RCAN2: variants seen among roughly 807,000 people sequenced by gnomAD.
RCAN2 encodes the protein calcipressin-2.
In RCAN2, 9 loss-of-function variants were observed where a neutral mutation model predicts 23.6. That is an observed-to-expected ratio of 0.38 (90% CI 0.23 to 0.67). The LOEUF (loss-of-function observed/expected upper bound fraction) is 0.67. RCAN2 is among the 30% of genes least tolerant of loss of function. The pLI, the probability that RCAN2 is intolerant of heterozygous loss-of-function variation, is 0.51. For synonymous variants in RCAN2, 109 were observed against 115.7 expected (o/e 0.94, Z 0.37); for missense variants, 273 against 302.3 (o/e 0.90, Z 0.72).
chr6:46,466,415 A>C (rs1768383709), intron 1 of RCAN2, among the ~76,000 whole-genome samples: 1 of 152,278 alleles, frequency 6.6e-6, no homozygotes, highest in African/African-American at 2.4e-5. Context: ...ATGGACTAGA[A>C]GGCTGCCTAG....
At chr6:46,369,004 A>T (rs1383725637) in intron 2 of RCAN2, among the ~76,000 whole-genome samples, 1 of 152,162 alleles carries the variant, frequency 6.6e-6, no homozygotes, top group Non-Finnish European at 1.5e-5. Context: ...CACATTATAC[A>T]ATTGTACAAA....
Position 46,310,931 on chromosome 6 carries a change from A to C in RCAN2, c.226-62035T>G, listed in dbSNP as rs377268781. 3.9e-5 allele frequency among the ~76,000 whole-genome samples: 6 copies of C among 152,318 alleles called. No homozygotes were observed. The East Asian group carries it at 1.2e-3, about 29-fold the overall frequency. On this transcript the variant is annotated intron_variant, in intron 2 of 4. Coordinates refer to ENST00000371374, the MANE Select transcript of RCAN2 (RefSeq NM_001251974.2). ...TGCTGTGTCTTTAAGAGAGCTAAAT[A>C]TCATTAATAGACTCAGTAGAACTTA...
At chr6:46,263,475 A>ATG (rs57316214) in intron 2 of RCAN2, among the ~76,000 whole-genome samples, 9 of 138,958 alleles carry the variant, frequency 6.5e-5, no homozygotes, top group Admixed American at 4.3e-4. Flanking sequence ...GTGTGTGTGT[A>ATG]TGTGTGTGTG....
Position 46,223,101 on chromosome 6 carries a change from A to C in RCAN2, c.*40T>G. 1 of 1,607,550 alleles carries C rather than the reference A, an allele frequency of 6.2e-7. No homozygotes were observed. The highest frequency in any genetic ancestry group is 8.5e-7 in the Non-Finnish European group (1 of 1,177,570). Reference sequence around the variant, plus strand: ...ACAAACAACAGGGGGAAAAAGCATGATAAAGAGGAGACGGCTATTATCGAG... The same window carrying C: ...ACAAACAACAGGGGGAAAAAGCATGCTAAAGAGGAGACGGCTATTATCGAG... On this transcript the variant is annotated 3_prime_UTR_variant, in exon 5 of 5. Coordinates refer to ENST00000371374, the MANE Select transcript of RCAN2 (RefSeq NM_001251974.2).
intron 2 of RCAN2, among the ~76,000 whole-genome samples, chr6:46,272,760 A>G (rs1305335926): frequency 6.6e-6 from 1 of 152,166 alleles, no homozygotes; most frequent in Non-Finnish European, 1.5e-5. Context: ...TAAGATAATA[A>G]TTTTCAGTCT....
At position 46,341,043 on chromosome 6, in the gene RCAN2, G is replaced by A. The variant is rs553408055; in HGVS notation, c.226-92147C>T. ...AAAGCAAAACTGGTAAAATGAATGA[G>A]GTCAGAAAAAATTTTCTAGTAAAGT... is the stretch of plus-strand genomic sequence containing the variant. On this transcript the variant is annotated intron_variant, in intron 2 of 4. Transcript: ENST00000371374. 8.4e-4 allele frequency among the ~76,000 whole-genome samples: 127 copies of A among 152,004 alleles called. 2 individuals carry two copies. The highest frequency in any genetic ancestry group is 2.9e-3 in the African/African-American group (119 of 41,470).
chr6:46,434,267 C>T (rs1026364757), intron 2 of RCAN2, among the ~76,000 whole-genome samples: 2 of 152,186 alleles, frequency 1.3e-5, no homozygotes, highest in Non-Finnish European at 2.9e-5. Context: ...AACAAATTAT[C>T]TCAAAACAAA....
intron 2 of RCAN2, among the ~76,000 whole-genome samples, chr6:46,336,072 T>C (rs1764131349): frequency 1.3e-5 from 2 of 152,198 alleles, no homozygotes; most frequent in African/African-American, 4.8e-5. Context: ...TACAAACTTG[T>C]ACATTCTAGA....
At chr6:46,301,485 T>A (rs1439274740) in intron 2 of RCAN2, among the ~76,000 whole-genome samples, 1 of 152,104 alleles carries the variant, frequency 6.6e-6, no homozygotes, top group African/African-American at 2.4e-5. Context: ...ATAAGCAATT[T>A]AACACATTCA....
intron 2 of RCAN2, among the ~76,000 whole-genome samples, chr6:46,437,652 G>T (rs1767412671): frequency 6.6e-6 from 1 of 152,138 alleles, no homozygotes; most frequent in African/African-American, 2.4e-5. Flanking sequence ...AACCTAGAAA[G>T]GCAGAATGTT....
At chr6:46,372,675 AT>A (rs1765353991) in intron 2 of RCAN2, among the ~76,000 whole-genome samples, 1 of 152,238 alleles carries the variant, frequency 6.6e-6, no homozygotes, top group South Asian at 2.1e-4. Context: ...CTTGTCAATT[AT>A]TTTTGGATAT....
At chr6:46,345,572 T>C (rs1268378012) in intron 2 of RCAN2, among the ~76,000 whole-genome samples, 1 of 152,104 alleles carries the variant, frequency 6.6e-6, no homozygotes, top group African/African-American at 2.4e-5. Context: ...CGTCATATAA[T>C]ACAGGGAACA....
At chr6:46,274,361 G>T (rs574240069) in intron 2 of RCAN2, among the ~76,000 whole-genome samples, 72 of 152,282 alleles carry the variant, frequency 4.7e-4, no homozygotes, top group African/African-American at 1.7e-3. Context: ...CTTGGCCTTG[G>T]GTTCAAAAGC....
chr6:46,388,530 A>G (rs990718994), intron 2 of RCAN2, among the ~76,000 whole-genome samples: 1 of 152,194 alleles, frequency 6.6e-6, no homozygotes, highest in Admixed American at 6.5e-5. Flanking sequence ...TTACAATAGC[A>G]AAGACATGCA....
chr6:46,337,884 G>A (rs2150370724), intron 2 of RCAN2, among the ~76,000 whole-genome samples: 1 of 152,302 alleles, frequency 6.6e-6, no homozygotes, highest in Non-Finnish European at 1.5e-5. Flanking sequence ...GACTGTGGCT[G>A]GGCTAGGGAA....
intron 2 of RCAN2, among the ~76,000 whole-genome samples, chr6:46,286,415 T>C (rs1354157701): frequency 6.6e-6 from 1 of 152,258 alleles, no homozygotes; most frequent in Non-Finnish European, 1.5e-5. Flanking sequence ...TTATATATCA[T>C]GCATCTCTTC....
rs1451481052 is a variant in RCAN2, at chr6:46,305,195, A to T, written c.226-56299T>A. ...ACAAAGGCAGGCACCCCAAGAAACC[A>T]CTTGGTAGTCAATGCATGGAGTTAA... On this transcript the variant is annotated intron_variant, in intron 2 of 4. Coordinates refer to ENST00000371374, the MANE Select transcript of RCAN2 (RefSeq NM_001251974.2). Among the ~76,000 whole-genome samples, 5 of 152,156 alleles carry T rather than the reference A, an allele frequency of 3.3e-5. No individual in the cohort carries two copies. In the South Asian group the frequency reaches 1.0e-3, roughly 32 times the overall value.
intron 2 of RCAN2, among the ~76,000 whole-genome samples, chr6:46,291,526 G>C (rs573167409): frequency 9.2e-5 from 14 of 152,176 alleles, no homozygotes; most frequent in Middle Eastern, 3.4e-3. Context: ...GCAGGGCTTT[G>C]ATTGGAAGCT....
chr6:46,221,893 A>G lies in RCAN2; in HGVS notation c.*1248T>C. On this transcript the variant is annotated 3_prime_UTR_variant, in exon 5 of 5. Transcript: ENST00000371374. ...TGCACTTTGGGCTAGAGAAATAGAA[A>G]AATCACACGTAACAAAAACAAATAA... The G allele has an allele frequency of 2.5e-6, 1 of 398,508 alleles. No homozygotes were observed. The highest frequency in any genetic ancestry group is 4.4e-6 in the Non-Finnish European group (1 of 225,968). The allele number at this position is 398,508 out of a possible 1,614,324, so 24.7% of individuals were successfully genotyped here.
Sources: gnomAD v4.1 joint callset for allele counts (sites outside exome capture counted in the v4.1 genomes callset) on GRCh38, gnomAD v4.1.1 for gene constraint, MANE v1.5 for transcripts, NCBI Gene and HGNC (gene_info 2026-07-23, HGNC 2026-07-21) for gene names.